Variants in RASEF observed in about 807,000 individuals in gnomAD.
The protein encoded by RASEF is ras and EF-hand domain-containing protein.
In RASEF, 68 loss-of-function variants were observed where a neutral mutation model predicts 90.1. That is an observed-to-expected ratio of 0.75 (90% CI 0.62 to 0.92). RASEF has a LOEUF of 0.92. RASEF is among the 40% of genes least tolerant of loss of function. The pLI is 0.00. For missense variants in RASEF, 949 were observed against 937.2 expected (o/e 1.01, Z -0.16); for synonymous variants, 331 against 345.2 (o/e 0.96, Z 0.46).
At chr9:83,034,993 G>A (rs1829714219) in intron 1 of RASEF, among the ~76,000 whole-genome samples, 1 of 152,128 alleles carries the variant, frequency 6.6e-6, no homozygotes, top group African/African-American at 2.4e-5. Context: ...GTAGATGGTT[G>A]TCTCCTGTCC....
chr9:82,996,955 C>T (rs1828932309), intron 14 of RASEF, 57 bp downstream of exon 14: 1 of 997,002 alleles, frequency 1.0e-6, no homozygotes, highest in African/African-American at 1.6e-5. Flanking sequence ...CAGCATTTTC[C>T]AAGATGGCCT....
chr9:83,063,520 A>G (rs1830254455), upstream of RASEF, among the ~76,000 whole-genome samples: 1 of 152,222 alleles, frequency 6.6e-6, no homozygotes, highest in Non-Finnish European at 1.5e-5. Context: ...AAACCAAAGT[A>G]CAAGATTTAC....
At chr9:83,116,620 TTC>T in the RASEF span, among the ~76,000 whole-genome samples, 1 of 152,190 alleles carries the variant, frequency 6.6e-6, no homozygotes, top group African/African-American at 2.4e-5. Context: ...TTTATATACA[TTC>T]TCTCTTTGAA....
intron 14 of RASEF, among the ~76,000 whole-genome samples, chr9:82,993,517 G>A (rs970664650): frequency 6.6e-6 from 1 of 152,108 alleles, no homozygotes; most frequent in Admixed American, 6.5e-5. Context: ...CACAAGCCAA[G>A]TTCATTATTA....
the RASEF span, among the ~76,000 whole-genome samples, chr9:83,089,569 CT>C: frequency 3.9e-5 from 6 of 152,234 alleles, no homozygotes; most frequent in Admixed American, 1.3e-4. Context: ...GTCTGTCGAT[CT>C]TTTTCTATCA....
At chr9:83,202,147 C>G in the RASEF span, 1 of 152,550 alleles carries the variant, frequency 6.6e-6, no homozygotes, top group African/African-American at 2.4e-5. Context: ...AACCACCCAT[C>G]ATAGCAACAT....
At chr9:83,089,323 CA>C in the RASEF span, among the ~76,000 whole-genome samples, 62 of 151,750 alleles carry the variant, frequency 4.1e-4, 1 homozygote, top group African/African-American at 1.4e-3. Flanking sequence ...GAGCTATAAA[CA>C]AAAAAAATTT....
the RASEF span, among the ~76,000 whole-genome samples, chr9:83,151,801 A>G: frequency 6.6e-6 from 1 of 152,180 alleles, no homozygotes; most frequent in Non-Finnish European, 1.5e-5. Context: ...AAAACTTCCT[A>G]CAGACGTCAG....
the RASEF span, among the ~76,000 whole-genome samples, chr9:83,172,443 T>C: frequency 6.6e-6 from 1 of 151,848 alleles, no homozygotes; most frequent in African/African-American, 2.4e-5. Flanking sequence ...TTTGTATGTC[T>C]TCTCTTCCTT....
chr9:83,091,767 T>C, the RASEF span, among the ~76,000 whole-genome samples: 2 of 152,164 alleles, frequency 1.3e-5, no homozygotes, highest in East Asian at 1.9e-4. Flanking sequence ...AAATAATGAC[T>C]AGTCTTTTGA....
At chr9:83,213,572 G>A in the RASEF span, among the ~76,000 whole-genome samples, 1 of 152,056 alleles carries the variant, frequency 6.6e-6, no homozygotes. Context: ...AGTCTATAAC[G>A]GAAGTAGCTG....
chr9:83,029,620 A>T (rs1194901960), intron 1 of RASEF, among the ~76,000 whole-genome samples: 1 of 146,532 alleles, frequency 6.8e-6, no homozygotes, highest in Non-Finnish European at 1.5e-5. Context: ...CTCTGAGACC[A>T]TGCTGGTCTC....
At chr9:83,167,364 CTT>C in the RASEF span, among the ~76,000 whole-genome samples, 31,495 of 142,912 alleles carry the variant, frequency 0.22, 3,611 homozygotes, top group African/African-American at 0.31. Flanking sequence ...GTCTTTAGGC[CTT>C]TTTTTTTTTT....
chr9:83,177,246 G>C, the RASEF span, among the ~76,000 whole-genome samples: 4 of 151,938 alleles, frequency 2.6e-5, no homozygotes, highest in African/African-American at 9.7e-5. Context: ...AAATTACTAG[G>C]TTGGTACAAA....
the RASEF span, among the ~76,000 whole-genome samples, chr9:83,071,737 C>G: frequency 2.0e-5 from 3 of 152,292 alleles, no homozygotes; most frequent in East Asian, 5.8e-4. Flanking sequence ...GTGAATTATA[C>G]TGATGGATTT....
chr9:83,134,546 A>G, the RASEF span, among the ~76,000 whole-genome samples: 1 of 152,092 alleles, frequency 6.6e-6, no homozygotes, highest in African/African-American at 2.4e-5. Flanking sequence ...CTTGTTACCC[A>G]CAGATTGGAG....
At chr9:83,194,238 C>T in the RASEF span, among the ~76,000 whole-genome samples, 1 of 152,148 alleles carries the variant, frequency 6.6e-6, no homozygotes, top group African/African-American at 2.4e-5. Flanking sequence ...CTTTAGTCTT[C>T]ATGTCTTCTT....
the RASEF span, among the ~76,000 whole-genome samples, chr9:83,160,929 G>A: frequency 6.6e-6 from 1 of 152,222 alleles, no homozygotes; most frequent in Non-Finnish European, 1.5e-5. Context: ...TCCATGGGGT[G>A]TTGAGCCTGT....
the RASEF span, among the ~76,000 whole-genome samples, chr9:83,068,754 T>C: frequency 6.6e-6 from 1 of 152,208 alleles, no homozygotes; most frequent in Non-Finnish European, 1.5e-5. Flanking sequence ...TTTGTGGTCA[T>C]TTGCTTACAG....
Sources: gnomAD v4.1 joint callset for allele counts (sites outside exome capture counted in the v4.1 genomes callset) on GRCh38, gnomAD v4.1.1 for gene constraint, MANE v1.5 for transcripts, NCBI Gene and HGNC (gene_info 2026-07-23, HGNC 2026-07-21) for gene names.